SMAD1: variants seen among roughly 807,000 people sequenced by gnomAD.
SMAD1 encodes SMAD family member 1.
A neutral mutation model predicts 41.6 loss-of-function variants in SMAD1; 6 were observed. That is an observed-to-expected ratio of 0.14 (90% CI 0.08 to 0.28). SMAD1 has a LOEUF of 0.28. SMAD1 is among the 10% of genes least tolerant of loss of function. The pLI, the probability that SMAD1 is intolerant of heterozygous loss-of-function variation, is 1.00. For synonymous variants in SMAD1, 206 were observed against 203.2 expected (o/e 1.01, Z -0.12); for missense variants, 379 against 582.6 (o/e 0.65, Z 3.60).
intron 5 of SMAD1, among the ~76,000 whole-genome samples, chr4:145,548,077 G>C (rs1184742745): frequency 6.6e-6 from 1 of 152,116 alleles, no homozygotes; most frequent in Non-Finnish European, 1.5e-5. Flanking sequence ...TGTTGTGGCA[G>C]AAAGTAAAGA....
chr4:145,541,440 A>G (rs889475671), intron 3 of SMAD1, among the ~76,000 whole-genome samples: 2 of 152,222 alleles, frequency 1.3e-5, no homozygotes, highest in African/African-American at 4.8e-5. Context: ...ACTTGGGCTC[A>G]GAGGAGGCTC....
At chr4:145,541,528 G>GA (rs1227295032) in intron 3 of SMAD1, among the ~76,000 whole-genome samples, 1 of 152,186 alleles carries the variant, frequency 6.6e-6, no homozygotes, top group Non-Finnish European at 1.5e-5. Flanking sequence ...AAAAGAAGCT[G>GA]AAAAGGGGCA....
At chr4:145,484,281 AAAT>A (rs1436052223) in intron 1 of SMAD1, among the ~76,000 whole-genome samples, 2 of 152,220 alleles carry the variant, frequency 1.3e-5, no homozygotes, top group Non-Finnish European at 2.9e-5. Context: ...GAGGCTTTAT[AAAT>A]AATGTAAGTT....
Position 145,514,544 on chromosome 4 carries a change from C to G in SMAD1, c.-70C>G. ...TTCTCTGTAAATAAACAAATCTCTT[C>G]TGCTGTCCTTTTGCATTTGGAGACA... On this transcript the variant is annotated 5_prime_UTR_variant, in exon 2 of 7. Coordinates refer to ENST00000302085, the MANE Select transcript of SMAD1 (RefSeq NM_005900.3). This position sits in a 1 kb window ranked among gnomAD's most constrained non-coding sequence, Gnocchi z 4.7. The G allele has an allele frequency of 7.3e-7, 1 of 1,371,826 alleles. No homozygotes were observed. Among genetic ancestry groups the G allele is most frequent in the Non-Finnish European group, 9.9e-7 (1 of 1,005,496 alleles). 85.0% of individuals were successfully genotyped at this position (1,371,826 alleles called of 1,614,324 possible).
intron 1 of SMAD1, among the ~76,000 whole-genome samples, chr4:145,508,709 T>G (rs1336951193): frequency 6.6e-6 from 1 of 152,200 alleles, no homozygotes; most frequent in African/African-American, 2.4e-5. Context: ...TGTAGGCCGC[T>G]ATAACAAAAT....
intron 2 of SMAD1, among the ~76,000 whole-genome samples, chr4:145,520,332 T>C (rs563162380): frequency 6.6e-6 from 1 of 152,216 alleles, no homozygotes; most frequent in African/African-American, 2.4e-5. Flanking sequence ...CTTCAGTGGA[T>C]GAATGTGTAG....
intron 3 of SMAD1, 83 bp downstream of exon 3, chr4:145,540,144 A>C (rs770506073): frequency 1.3e-6 from 2 of 1,522,616 alleles, no homozygotes; most frequent in Non-Finnish European, 1.8e-6. Context: ...GTCAACCTGC[A>C]GTGGAGGGAG....
chr4:145,497,873 G>C (rs916828796), intron 1 of SMAD1: 1 of 152,154 alleles, frequency 6.6e-6, no homozygotes, highest in Non-Finnish European at 1.5e-5. Flanking sequence ...TGGAAGAGGG[G>C]GTTGCTGCTA....
In SMAD1 at chr4:145,514,234, A is replaced by G. The variant is rs1730252247; in HGVS notation, c.-176-204A>G. Among the ~76,000 whole-genome samples the G allele has an allele frequency of 6.6e-6, 1 of 151,648 alleles. No homozygotes were observed. Among genetic ancestry groups the G allele is most frequent in the Non-Finnish European group, 1.5e-5 (1 of 68,006 alleles). On this transcript the variant is annotated intron_variant, in intron 1 of 6. Transcript: ENST00000302085. This position sits in a 1 kb window ranked among gnomAD's most constrained non-coding sequence, Gnocchi z 4.7. ...ACCCTGATGACCTTACTTAACTTTA[A>G]TTACTTTCTTAGAGGCTCCATCTCC...
upstream of SMAD1, chr4:145,481,750 CGGGTGAGCGTGT>C: frequency 5.5e-6 from 1 of 180,366 alleles, no homozygotes; most frequent in South Asian, 1.0e-4. Context: ...CGCGGGTGAG[CGGGTGAGCGTGT>C]GAGCGGGCGG....
upstream of SMAD1, chr4:145,481,414 T>G (rs1397227392): frequency 6.6e-6 from 1 of 152,126 alleles, no homozygotes; most frequent in Non-Finnish European, 1.5e-5. Flanking sequence ...ACTGTCAACA[T>G]GCACTCCACG....
chr4:145,523,383 G>A (rs1384156708), intron 2 of SMAD1, among the ~76,000 whole-genome samples: 1 of 152,170 alleles, frequency 6.6e-6, no homozygotes, highest in Non-Finnish European at 1.5e-5. Context: ...GTGGTGATGG[G>A]ATATATGTGT....
chr4:145,483,301 G>A (rs1728298534), intron 1 of SMAD1: 1 of 152,026 alleles, frequency 6.6e-6, no homozygotes, highest in African/African-American at 2.4e-5. Flanking sequence ...TCTTCCTGTT[G>A]CTGAAACTCT....
intron 2 of SMAD1, among the ~76,000 whole-genome samples, chr4:145,520,501 C>T (rs1004384470): frequency 6.6e-6 from 1 of 150,660 alleles, no homozygotes; most frequent in Admixed American, 6.6e-5. Context: ...TCATCAAGTC[C>T]GATTGTCTGG....
At chr4:145,551,741 A>G (rs758935178) in intron 5 of SMAD1, among the ~76,000 whole-genome samples, 16 of 152,194 alleles carry the variant, frequency 1.1e-4, no homozygotes, top group Non-Finnish European at 1.8e-4. Context: ...TTTTTGCTCT[A>G]CACTCAAATT....
upstream of SMAD1, chr4:145,481,402 T>G (rs1022151827): frequency 3.3e-5 from 5 of 152,068 alleles, no homozygotes; most frequent in Non-Finnish European, 7.4e-5. Context: ...TCTCGAAAGG[T>G]AACTGTCAAC....
chr4:145,523,715 T>C (rs1228520866), intron 2 of SMAD1, among the ~76,000 whole-genome samples: 1 of 152,140 alleles, frequency 6.6e-6, no homozygotes, highest in Non-Finnish European at 1.5e-5. Flanking sequence ...AGTTAGGAGA[T>C]ACAAATCAGC....
At chr4:145,540,152 G>A (rs568296700) in intron 3 of SMAD1, 91 bp downstream of exon 3, 3 of 1,464,650 alleles carry the variant, frequency 2.0e-6, no homozygotes, top group Non-Finnish European at 2.8e-6. Context: ...GCAGTGGAGG[G>A]AGGTTTTCAG....
chr4:145,495,383 A>G (rs75375607), intron 1 of SMAD1, among the ~76,000 whole-genome samples: 3,447 of 152,278 alleles, frequency 0.023, 109 homozygotes, highest in South Asian at 0.097. Flanking sequence ...GCCATTATCT[A>G]TAAGTAGCAT....
Sources: gnomAD v4.1 joint callset for allele counts (sites outside exome capture counted in the v4.1 genomes callset) on GRCh38, gnomAD v4.1.1 for gene constraint, Gnocchi (gnomAD v3.1) non-coding constraint, MANE v1.5 for transcripts, NCBI Gene and HGNC (gene_info 2026-07-23, HGNC 2026-07-21) for gene names.